The following GPNMB variants were observed in gnomAD, a reference collection of about 807,000 sequenced individuals.
GPNMB encodes transmembrane glycoprotein NMB.
In GPNMB, 71 loss-of-function variants were observed where a neutral mutation model predicts 57.3. That is an observed-to-expected ratio of 1.24 (90% CI 1.02 to 1.51). The LOEUF is 1.51. Ranked by LOEUF, GPNMB falls within the 40% of genes most tolerant of loss-of-function variation. The probability of loss-of-function intolerance (pLI) is 0.00; values close to 1 mark genes in which losing one functional copy is unlikely to be tolerated. For missense variants in GPNMB, 677 were observed against 691.9 expected, an observed-to-expected ratio of 0.98 and a Z score of 0.24; for synonymous variants, 253 against 263.2, an observed-to-expected ratio of 0.96 and a Z score of 0.38.
intron 8 of GPNMB, 142 bp downstream of exon 8, chr7:23,268,130 ACAGGAAGGTC>A (rs1467058095): frequency 4.8e-6 from 3 of 625,012 alleles, no homozygotes; most frequent in Non-Finnish European, 8.6e-6. Context: ...GTAACCCTAG[ACAGGAAGGTC>A]CCTAGGAGGT....
chr7:23,269,394 A>G (rs2128485063), intron 8 of GPNMB, among the ~76,000 whole-genome samples: 1 of 152,284 alleles, frequency 6.6e-6, no homozygotes, highest in East Asian at 1.9e-4. Flanking sequence ...CTCAAAACAA[A>G]CAAACAAACA....
intron 6 of GPNMB, among the ~76,000 whole-genome samples, chr7:23,265,642 TGAAA>T (rs1429546453): frequency 6.6e-6 from 1 of 152,092 alleles, no homozygotes; most frequent in Non-Finnish European, 1.5e-5. Flanking sequence ...CCCATATTAC[TGAAA>T]GAAAGAAACT....
rs200910471 is a variant in GPNMB at position 23,273,608 on chromosome 7, T to C, written c.1517T>C (p.Val506Ala). The change falls in exon 10 of 11, where the codon GTG (valine) becomes GCG (alanine). Residue 506 changes from valine (V) to alanine (A), a missense_variant. Transcript: ENST00000258733. ...AIFVTVISLL[V>A]YKKHKEYNPI... The stretch of plus-strand genomic sequence containing the variant: ...TTTGTCACTGTGATCTCCCTCTTGG[T>C]GTACAAGTAAGTTTTTGGTTCCTAC... 1.9e-6 allele frequency: 3 copies of C among 1,604,440 alleles called. No homozygotes were observed. The highest frequency in any genetic ancestry group is 1.7e-5 in the Admixed American group (1 of 59,958).
intron 8 of GPNMB, among the ~76,000 whole-genome samples, chr7:23,269,076 G>T (rs1783136666): frequency 1.3e-5 from 2 of 152,096 alleles, no homozygotes; most frequent in Non-Finnish European, 2.9e-5. Context: ...CTGGGGTAAT[G>T]TTACTTTCTT....
intron 3 of GPNMB, among the ~76,000 whole-genome samples, chr7:23,254,952 C>T (rs1188007542): frequency 1.3e-5 from 2 of 152,112 alleles, no homozygotes; most frequent in Non-Finnish European, 2.9e-5. Context: ...AGGTGTATCA[C>T]CTGAGGTCAG....
At chr7:23,273,703 T>C (rs981373132) in intron 10 of GPNMB, 89 bp downstream of exon 10, 5 of 891,662 alleles carry the variant, frequency 5.6e-6, no homozygotes, top group African/African-American at 5.0e-5. Flanking sequence ...TTTCCCTTTT[T>C]TGCTTTTAAA....
At chr7:23,271,744 T>G (rs773074750) in intron 9 of GPNMB, among the ~76,000 whole-genome samples, 2 of 151,954 alleles carry the variant, frequency 1.3e-5, no homozygotes, top group African/African-American at 2.4e-5. Flanking sequence ...TGCAGTGAGC[T>G]GAGATGAAGA....
chr7:23,269,914 C>T, intron 8 of GPNMB, 53 bp from the exon 9 acceptor site: 1 of 1,205,604 alleles, frequency 8.3e-7, no homozygotes, highest in Non-Finnish European at 1.2e-6. Context: ...TCTGACCTTC[C>T]TCTCTCCCCT....
chr7:23,272,846 C>CTTTTTTTTTT (rs34346503), intron 9 of GPNMB, among the ~76,000 whole-genome samples: 18 of 139,644 alleles, frequency 1.3e-4, no homozygotes, highest in East Asian at 4.1e-4. Flanking sequence ...AGGTGGTGAT[C>CTTTTTTTTTT]TTTTTTTTTT....
At chr7:23,272,473 GAAAGAGAGAGAA>G (rs1216786240) in intron 9 of GPNMB, among the ~76,000 whole-genome samples, 3 of 151,934 alleles carry the variant, frequency 2.0e-5, no homozygotes, top group Admixed American at 1.3e-4. Flanking sequence ...GAGAGAGAGA[GAAAGAGAGAGAA>G]AAAGAGAGAG....
chr7:23,270,157 A>C lies in GPNMB; in HGVS notation c.1411A>C (p.Ile471Leu). ...DTSLALTSTL[I>L]SVPDRDPASP... ...AAGCCTGGCTCTCACGAGCACCCTG[A>C]TTTCTGTTCCTGACAGAGGTGAGTT... The change falls in exon 9 of 11, where the codon ATT becomes CTT. Residue 471 changes from isoleucine to leucine, a missense_variant. Coordinates refer to ENST00000258733, the MANE Select transcript of GPNMB (RefSeq NM_002510.3). The C allele has an allele frequency of 6.2e-7, 1 of 1,613,922 alleles. No individual in the cohort carries two copies.
chr7:23,257,938 C>G (rs1179994028), intron 4 of GPNMB: 1 of 152,132 alleles, frequency 6.6e-6, no homozygotes, highest in African/African-American at 2.4e-5. Context: ...TTTTTGCTTA[C>G]TATCATTAGC....
In GPNMB at chr7:23,274,902, C is replaced by A. The variant is rs571424284; in HGVS notation, c.*678C>A. 2 of 152,228 alleles carry A rather than the reference C, an allele frequency of 1.3e-5. No individual in the cohort carries two copies. The highest frequency in any genetic ancestry group is 4.1e-4 in the South Asian group (2 of 4,826). The allele number at this position is 152,228 out of a possible 1,614,324, so 9.4% of individuals were successfully genotyped here. ...ACCAGGCATGATGCTGAGTGACACTCTTGTGTATATTTCCAAATTTTTGTA... is the reference window on the plus strand; with the variant it reads ...ACCAGGCATGATGCTGAGTGACACTATTGTGTATATTTCCAAATTTTTGTA... On this transcript the variant is annotated 3_prime_UTR_variant, in exon 11 of 11. Transcript: ENST00000258733.
intron 1 of GPNMB, among the ~76,000 whole-genome samples, chr7:23,248,378 T>C (rs1009833119): frequency 3.3e-5 from 5 of 152,096 alleles, no homozygotes; most frequent in South Asian, 2.1e-4. Flanking sequence ...TAAAACAGAT[T>C]AGCAGGAGGC....
intron 6 of GPNMB, 50 bp downstream of exon 6, chr7:23,260,823 A>G: frequency 7.5e-7 from 1 of 1,329,774 alleles, no homozygotes; most frequent in South Asian, 1.5e-5. Flanking sequence ...GGCTAACAAA[A>G]TATTCACGCA....
chr7:23,254,309 A>T lies in GPNMB; in HGVS notation c.364A>T (p.Asn122Tyr), dbSNP rs2128481469. Residue 122 changes from asparagine (N) to tyrosine (Y), a missense_variant, in exon 3 of 11, where the codon AAT becomes TAT. Asn to Tyr is a moderately radical substitution (Grantham distance 143). Transcript: ENST00000258733. ...CATAGTCTATGAGAAGAACTGCAGA[A>T]ATGGTAAGAACACAGTATTCTCCTA... is the stretch of plus-strand genomic sequence containing the variant. The part of the protein sequence containing the change: ...GNIVYEKNCR[N>Y]EAGLSADPYV... The T allele has an allele frequency of 6.2e-7, 1 of 1,612,430 alleles. No individual in the cohort carries two copies. The highest frequency in any genetic ancestry group is 2.2e-5 in the East Asian group (1 of 44,864).
In GPNMB at chr7:23,259,860, C is replaced by T. The variant is rs373549932; in HGVS notation, c.542-120C>T. On this transcript the variant is annotated intron_variant, in intron 4 of 10. Coordinates refer to ENST00000258733, the MANE Select transcript of GPNMB (RefSeq NM_002510.3). ...TCCCTTTCTGAAGCAGCACCACAGGCCCATCCTATTTTCCCTCCTCAGAGC... is the reference window on the plus strand; with the variant it reads ...TCCCTTTCTGAAGCAGCACCACAGGTCCATCCTATTTTCCCTCCTCAGAGC... The T allele has an allele frequency of 1.7e-5, 14 of 827,796 alleles. No individual in the cohort carries two copies. In the East Asian group the frequency reaches 3.0e-4, roughly 18 times the overall value. 51.3% of individuals were successfully genotyped at this position (827,796 alleles called of 1,614,324 possible). A position where few individuals can be genotyped will look rare whatever the true frequency, so the allele number is the denominator to read the frequency against.
chr7:23,264,096 G>GAAAAAA lies in GPNMB; in HGVS notation c.1019-2410_1019-2405dup, dbSNP rs35143635. On this transcript the variant is annotated intron_variant, in intron 6 of 10. Coordinates refer to ENST00000258733, the MANE Select transcript of GPNMB (RefSeq NM_002510.3). ...GTTTTTCAGACTTGTGAACAAATCT[G>GAAAAAA]AAAAAAAAAAAAAAAACCTTTTGTA... 1.4e-3 allele frequency among the ~76,000 whole-genome samples: 159 copies of GAAAAAA among 109,666 alleles called. 1 individual carries two copies. The highest frequency in any genetic ancestry group is 4.1e-3 in the African/African-American group (133 of 32,280). The allele number at this position is 109,666 out of a possible 152,430, so 71.9% of individuals were successfully genotyped here. A position where few individuals can be genotyped will look rare whatever the true frequency, so the allele number is the denominator to read the frequency against.
chr7:23,263,471 G>A (rs1782979165), intron 6 of GPNMB, among the ~76,000 whole-genome samples: 1 of 152,014 alleles, frequency 6.6e-6, no homozygotes, highest in Admixed American at 6.5e-5. Context: ...AATTAGCCGG[G>A]TGTGGTGGAG....
Sources: gnomAD v4.1 joint callset for allele counts (sites outside exome capture counted in the v4.1 genomes callset) on GRCh38, gnomAD v4.1.1 for gene constraint, MANE v1.5 for transcripts, NCBI Gene and HGNC (gene_info 2026-07-23, HGNC 2026-07-21) for gene names.